The following FRYL variants were observed in gnomAD, a reference collection of about 807,000 sequenced individuals.
The protein encoded by FRYL is FRY like transcription coactivator.
Under a neutral mutation model 351.2 loss-of-function variants are expected in FRYL, and 150 were observed. That is an observed-to-expected ratio of 0.43 (90% CI 0.37 to 0.49). The LOEUF (loss-of-function observed/expected upper bound fraction) is 0.49, where lower values mean the gene tolerates loss of function less well. FRYL is among the 20% of genes least tolerant of loss of function. The probability of loss-of-function intolerance (pLI) is 0.00; values close to 1 mark genes in which losing one functional copy is unlikely to be tolerated. For synonymous variants in FRYL, 1,153 were observed against 1,257.1 expected (o/e 0.92, Z 1.75); for missense variants, 3,036 against 3,619.3 (o/e 0.84, Z 4.13).
At position 48,582,720 on chromosome 4, in the gene FRYL, A is replaced by G. The variant is rs1560655024; in HGVS notation, c.1763T>C (p.Met588Thr). 1 of 1,613,636 alleles carries G rather than the reference A, an allele frequency of 6.2e-7. No individual in the cohort carries two copies. The highest frequency in any genetic ancestry group is 8.5e-7 in the Non-Finnish European group (1 of 1,179,648). The change falls in exon 20 of 64, where the codon ATG (methionine) becomes ACG (threonine). Residue 588 changes from methionine (M) to threonine (T), a missense_variant. By Grantham distance (81) the Met-to-Thr change is moderately conservative. Transcript: ENST00000358350. ...IELLARLTIH[M>T]DEELRALAFN... is the part of the protein sequence containing the mutation. ...AGCCAGAGCACGCAGTTCTTCATCCATATGAATTGTGAGCCTACCAAGAAC... is the reference window on the plus strand; with the variant it reads ...AGCCAGAGCACGCAGTTCTTCATCCGTATGAATTGTGAGCCTACCAAGAAC...
chr4:48,557,429 T>C (rs1263141713), intron 34 of FRYL, 24 bp downstream of exon 34: 14 of 1,612,096 alleles, frequency 8.7e-6, no homozygotes, highest in Non-Finnish European at 1.2e-5. Context: ...TGTGCAGCAA[T>C]TATAAATACA....
chr4:48,538,714 C>A (rs1729447832), intron 47 of FRYL, among the ~76,000 whole-genome samples: 1 of 151,790 alleles, frequency 6.6e-6, no homozygotes, highest in African/African-American at 2.4e-5. Context: ...TAGAAAAAAA[C>A]TTCCTTTTTT....
intron 47 of FRYL, 96 bp downstream of exon 47, chr4:48,539,875 A>G: frequency 1.2e-6 from 1 of 837,718 alleles, no homozygotes; most frequent in Non-Finnish European, 1.9e-6. Flanking sequence ...ATGGGAAGTG[A>G]CAATAAAAGG....
intron 3 of FRYL, among the ~76,000 whole-genome samples, chr4:48,657,735 T>C (rs1348208784): frequency 6.9e-6 from 1 of 145,594 alleles, no homozygotes; most frequent in Admixed American, 7.0e-5. Flanking sequence ...AGATTATATA[T>C]TAAAGAAGGC....
intron 4 of FRYL, among the ~76,000 whole-genome samples, chr4:48,631,609 T>G (rs1363681396): frequency 6.6e-6 from 1 of 152,066 alleles, no homozygotes; most frequent in African/African-American, 2.4e-5. Context: ...GTTCCTGGTA[T>G]CGAGTAACTC....
chr4:48,721,181 C>T (rs1467594179), intron 1 of FRYL, among the ~76,000 whole-genome samples: 2 of 152,040 alleles, frequency 1.3e-5, no homozygotes, highest in Non-Finnish European at 2.9e-5. Flanking sequence ...GTTTTATATA[C>T]TTATTTAATT....
chr4:48,694,802 T>C (rs1217503758), intron 2 of FRYL, among the ~76,000 whole-genome samples: 2 of 152,178 alleles, frequency 1.3e-5, no homozygotes, highest in Non-Finnish European at 2.9e-5. Context: ...CTGGACATGA[T>C]AGCTCACTCC....
At chr4:48,571,981 C>T in intron 26 of FRYL, 1 of 985,336 alleles carries the variant, frequency 1.0e-6, no homozygotes, top group Non-Finnish European at 1.2e-6. Flanking sequence ...TGTAACCAAA[C>T]TGATCATTCT....
intron 55 of FRYL, among the ~76,000 whole-genome samples, chr4:48,516,721 C>A (rs191584814): frequency 2.0e-5 from 3 of 152,286 alleles, no homozygotes; most frequent in Admixed American, 2.0e-4. Flanking sequence ...TAATTCCTAA[C>A]TGCAAATAGT....
intron 1 of FRYL, among the ~76,000 whole-genome samples, chr4:48,766,638 C>T (rs1774979167): frequency 6.6e-6 from 1 of 152,150 alleles, no homozygotes; most frequent in African/African-American, 2.4e-5. Context: ...TCACAGGATG[C>T]ATCTCAAAAC....
At chr4:48,554,140 C>T (rs1553928331) in intron 35 of FRYL, among the ~76,000 whole-genome samples, 2 of 151,974 alleles carry the variant, frequency 1.3e-5, no homozygotes, top group South Asian at 4.1e-4. Context: ...TCTTTTTCTC[C>T]CTATTTTAAT....
chr4:48,622,790 A>C (rs1289897627), intron 5 of FRYL, among the ~76,000 whole-genome samples: 1 of 152,178 alleles, frequency 6.6e-6, no homozygotes, highest in Non-Finnish European at 1.5e-5. Context: ...AGAGCCCCAC[A>C]GAAAAATAAA....
intron 26 of FRYL, 136 bp downstream of exon 26, chr4:48,573,050 C>T (rs530437002): frequency 7.6e-5 from 46 of 605,902 alleles, no homozygotes; most frequent in Admixed American, 1.3e-4. Context: ...AGATCTTCTG[C>T]GGGGAGGGGA....
At chr4:48,629,123 A>G (rs1752469947) in intron 4 of FRYL, among the ~76,000 whole-genome samples, 1 of 151,712 alleles carries the variant, frequency 6.6e-6, no homozygotes, top group Admixed American at 6.6e-5. Context: ...ACAATCCTAT[A>G]TTTTATAATT....
chr4:48,658,893 C>G (rs1390483838), intron 3 of FRYL, among the ~76,000 whole-genome samples: 1 of 151,828 alleles, frequency 6.6e-6, no homozygotes, highest in Non-Finnish European at 1.5e-5. Flanking sequence ...TCATATTTTT[C>G]TTTGAAACCT....
intron 49 of FRYL, among the ~76,000 whole-genome samples, chr4:48,533,542 C>G (rs545136120): frequency 6.6e-6 from 1 of 152,070 alleles, no homozygotes; most frequent in Non-Finnish European, 1.5e-5. Flanking sequence ...TAAGTATTTC[C>G]CATTCTAAGT....
rs541294116 is a variant in FRYL at position 48,519,145 on chromosome 4, A to G, written c.7689+1903T>C. Among the ~76,000 whole-genome samples, 58 of 152,290 alleles carry G rather than the reference A, an allele frequency of 3.8e-4. 1 individual carries two copies. In the South Asian group the frequency reaches 0.01, roughly 27 times the overall value. ...CAAAGTCTTAAATCTTCAGTGTGGCATATAGGACTTCTCCTGTCTATTATC... is the reference window on the plus strand; with the variant it reads ...CAAAGTCTTAAATCTTCAGTGTGGCGTATAGGACTTCTCCTGTCTATTATC... On this transcript the variant is annotated intron_variant, in intron 55 of 63. Transcript: ENST00000358350.
Position 48,608,493 on chromosome 4 carries a change from G to A in FRYL, c.572+494C>T, listed in dbSNP as rs62309683. 5.5e-3 allele frequency among the ~76,000 whole-genome samples: 844 copies of A among 152,188 alleles called. 8 individuals are homozygous for A. Among genetic ancestry groups the A allele is most frequent in the Admixed American group, 0.019 (297 of 15,276 alleles). ...GTGATGGTTCAGTGCAACTCAATGTGTATAACTCTTAATGAATTAACAGTT... is the reference window on the plus strand; with the variant it reads ...GTGATGGTTCAGTGCAACTCAATGTATATAACTCTTAATGAATTAACAGTT... On this transcript the variant is annotated intron_variant, in intron 9 of 63. Coordinates refer to ENST00000358350, the MANE Select transcript of FRYL (RefSeq NM_015030.2).
At chr4:48,631,464 G>GA (rs1032854978) in intron 4 of FRYL, among the ~76,000 whole-genome samples, 43 of 150,738 alleles carry the variant, frequency 2.9e-4, no homozygotes, top group Non-Finnish European at 5.2e-4. Flanking sequence ...ATTATTATTA[G>GA]AAAAACAAAA....
Sources: allele counts gnomAD v4.1 joint callset (sites outside exome capture counted in the v4.1 genomes callset), GRCh38; gene constraint gnomAD v4.1.1; transcripts MANE v1.5; gene names NCBI Gene and HGNC (gene_info 2026-07-23, HGNC 2026-07-21).